The following ENPP3 variants were observed in gnomAD, a reference collection of about 807,000 sequenced individuals.
ENPP3 encodes ectonucleotide pyrophosphatase/phosphodiesterase family member 3.
Under a neutral mutation model 117.8 loss-of-function variants are expected in ENPP3, and 104 were observed. The ratio of observed to expected loss-of-function variants is 0.88; its 90% CI spans 0.75 to 1.04. The LOEUF (loss-of-function observed/expected upper bound fraction) is 1.04, where lower values mean the gene tolerates loss of function less well. Ranked by LOEUF, ENPP3 falls within the 50% of genes least tolerant of loss-of-function variation. The probability of loss-of-function intolerance (pLI) is 0.00; values close to 1 mark genes in which losing one functional copy is unlikely to be tolerated. For synonymous variants in ENPP3, 380 were observed against 349.9 expected (o/e 1.09, Z -0.96); for missense variants, 1,026 against 1,051.9 (o/e 0.98, Z 0.34).
chr6:131,674,018 A>G (rs1475783880), intron 7 of ENPP3, 144 bp from the exon 8 acceptor site: 2 of 556,014 alleles, frequency 3.6e-6, no homozygotes, highest in South Asian at 2.5e-5. Flanking sequence ...ATCTCCTGAT[A>G]TGTAAGTTCA....
chr6:131,723,167 A>C (rs1264127683), intron 18 of ENPP3, among the ~76,000 whole-genome samples: 1 of 152,244 alleles, frequency 6.6e-6, no homozygotes, highest in Non-Finnish European at 1.5e-5. Context: ...ATGTGTTTGT[A>C]GAACTAAATA....
intron 10 of ENPP3, among the ~76,000 whole-genome samples, chr6:131,677,621 A>G (rs1227701115): frequency 6.6e-6 from 1 of 152,212 alleles, no homozygotes; most frequent in Non-Finnish European, 1.5e-5. Flanking sequence ...CTTAACTGCA[A>G]GAACAAAACA....
intron 11 of ENPP3, among the ~76,000 whole-genome samples, chr6:131,679,855 T>C (rs1198952033): frequency 6.6e-6 from 1 of 152,134 alleles, no homozygotes; most frequent in Non-Finnish European, 1.5e-5. Flanking sequence ...CTCACCCTTA[T>C]TTGTGTTCTG....
chr6:131,662,090 G>A (rs1443570340), intron 6 of ENPP3, among the ~76,000 whole-genome samples: 1 of 152,202 alleles, frequency 6.6e-6, no homozygotes, highest in East Asian at 1.9e-4. Context: ...TATAAGATCA[G>A]AGTTCAAGTT....
chr6:131,726,115 G>C lies in ENPP3; in HGVS notation c.1868G>C (p.Cys623Ser). Residue 623 changes from cysteine (C) to serine (S), a missense_variant, in exon 20 of 25, where the codon TGT becomes TCT. Transcript: ENST00000357639. The stretch of plus-strand genomic sequence containing the variant: ...GTACTGCAGAAGAACGTGGACCACT[G>C]TCTCCTTTACCACAGGGAATATGTC... ...PRVLQKNVDH[C>S]LLYHREYVSG... The C allele has an allele frequency of 6.2e-7, 1 of 1,613,690 alleles. No homozygotes were observed. Among genetic ancestry groups the C allele is most frequent in the Non-Finnish European group, 8.5e-7 (1 of 1,179,604 alleles).
At chr6:131,653,102 T>C (rs1051580428) in intron 5 of ENPP3, among the ~76,000 whole-genome samples, 3 of 152,168 alleles carry the variant, frequency 2.0e-5, no homozygotes, top group Non-Finnish European at 4.4e-5. Flanking sequence ...TATTAATTTA[T>C]TATATTCATG....
At chr6:131,670,897 C>A (rs1364553479) in intron 6 of ENPP3, among the ~76,000 whole-genome samples, 1 of 152,176 alleles carries the variant, frequency 6.6e-6, no homozygotes, top group Non-Finnish European at 1.5e-5. Context: ...TTTATTGGAA[C>A]ATGACCATAT....
intron 21 of ENPP3, among the ~76,000 whole-genome samples, chr6:131,736,430 C>T (rs935651145): frequency 6.6e-6 from 1 of 152,162 alleles, no homozygotes; most frequent in Non-Finnish European, 1.5e-5. Flanking sequence ...CAAGAGACAG[C>T]GTGTGCAGGG....
chr6:131,691,386 C>T (rs1585674331), intron 14 of ENPP3, among the ~76,000 whole-genome samples: 2 of 151,874 alleles, frequency 1.3e-5, no homozygotes, highest in South Asian at 2.1e-4. Context: ...GTCAGGAGTT[C>T]GAGACTAGCC....
intron 2 of ENPP3, among the ~76,000 whole-genome samples, chr6:131,646,316 T>G (rs1478096700): frequency 1.3e-4 from 18 of 143,824 alleles, no homozygotes; most frequent in Admixed American, 6.7e-4. Flanking sequence ...GTGTTGTTAT[T>G]TTAACTCTTT....
At chr6:131,733,459 G>A (rs770440980) in intron 20 of ENPP3, 129 bp from the exon 21 acceptor site, 12 of 974,480 alleles carry the variant, frequency 1.2e-5, no homozygotes, top group South Asian at 3.9e-5. Flanking sequence ...CATTGCTTGC[G>A]TAGACCTGAT....
At chr6:131,663,723 G>C (rs925613707) in intron 6 of ENPP3, among the ~76,000 whole-genome samples, 11 of 151,544 alleles carry the variant, frequency 7.3e-5, no homozygotes, top group Admixed American at 2.0e-4. Flanking sequence ...ATCACCTAGT[G>C]ATGTCATAGA....
chr6:131,732,001 T>C (rs1189598215), intron 20 of ENPP3, among the ~76,000 whole-genome samples: 2 of 152,218 alleles, frequency 1.3e-5, no homozygotes, highest in African/African-American at 4.8e-5. Flanking sequence ...ACTTGTTCTA[T>C]ACCTCAGCAT....
At chr6:131,690,670 A>G (rs1240510607) in intron 14 of ENPP3, among the ~76,000 whole-genome samples, 1 of 152,086 alleles carries the variant, frequency 6.6e-6, no homozygotes, top group Non-Finnish European at 1.5e-5. Context: ...ACTGACGATA[A>G]ACGCTGAGCA....
intron 5 of ENPP3, among the ~76,000 whole-genome samples, chr6:131,656,533 T>C (rs576867595): frequency 2.6e-5 from 4 of 152,208 alleles, no homozygotes; most frequent in Non-Finnish European, 5.9e-5. Flanking sequence ...TTTGGGAGGC[T>C]GAGGCAGGCA....
At chr6:131,725,054 C>CA (rs34304450) in intron 19 of ENPP3, among the ~76,000 whole-genome samples, 1,077 of 87,400 alleles carry the variant, frequency 0.012, 12 homozygotes, top group East Asian at 0.061. Context: ...ACTAAAAATA[C>CA]AAAAAAAAAA....
At chr6:131,647,392 A>G (rs1778173921) in intron 2 of ENPP3, among the ~76,000 whole-genome samples, 1 of 152,226 alleles carries the variant, frequency 6.6e-6, no homozygotes, top group African/African-American at 2.4e-5. Context: ...TTCAGTTAAA[A>G]TATGTTTGTA....
At position 131,652,814 on chromosome 6, in the gene ENPP3, G is replaced by T; in HGVS notation, c.404-17G>T. The T allele has an allele frequency of 6.2e-7, 1 of 1,610,836 alleles. No individual in the cohort carries two copies. The highest frequency in any genetic ancestry group is 1.1e-5 in the South Asian group (1 of 90,924). On this transcript the variant is annotated splice_polypyrimidine_tract_variant and intron_variant, in intron 4 of 24. Coordinates refer to ENST00000357639, the MANE Select transcript of ENPP3 (RefSeq NM_005021.5). Reference sequence around the variant, plus strand: ...GTGCTGCAGCAAGTATCAAGATTTTGATCTTATGCTTTTCAGGAGAAACCT... The same window carrying T: ...GTGCTGCAGCAAGTATCAAGATTTTTATCTTATGCTTTTCAGGAGAAACCT...
chr6:131,681,587 G>A (rs964084910), intron 11 of ENPP3, among the ~76,000 whole-genome samples: 1 of 151,564 alleles, frequency 6.6e-6, no homozygotes, highest in East Asian at 1.9e-4. Flanking sequence ...TATTCATAAA[G>A]TGTAGAAAAT....
Sources: allele counts gnomAD v4.1 joint callset (sites outside exome capture counted in the v4.1 genomes callset), GRCh38; gene constraint gnomAD v4.1.1; transcripts MANE v1.5; gene names NCBI Gene and HGNC (gene_info 2026-07-23, HGNC 2026-07-21).